Variants in IL13 observed in about 807,000 individuals in gnomAD.
The protein encoded by IL13 is interleukin-13.
A neutral mutation model predicts 11.1 loss-of-function variants in IL13; 9 were observed. That is an observed-to-expected ratio of 0.81 (90% confidence interval 0.49 to 1.42). The LOEUF is 1.42. IL13 is among the 40% of genes most tolerant of loss of function. The pLI, the probability that IL13 is intolerant of heterozygous loss-of-function variation, is 0.00. For missense variants in IL13, 181 were observed against 182.5 expected (o/e 0.99, Z 0.05); for synonymous variants, 75 against 76.9 (o/e 0.97, Z 0.13).
At position 132,659,423 on chromosome 5, in the gene IL13, G is replaced by A. The variant is rs140369292; in HGVS notation, c.180G>A (p.Pro60=). The A allele has an allele frequency of 1.3e-4, 216 of 1,608,882 alleles. 1 individual carries two copies. Among genetic ancestry groups the A allele is most frequent in the Middle Eastern group, 3.3e-4 (2 of 6,076 alleles). Residue 60 remains proline (P), a synonymous_variant, in exon 2 of 4, where the codon CCG becomes CCA. Coordinates refer to ENST00000304506, the MANE Select transcript of IL13 (RefSeq NM_002188.3). This position sits in a 1 kb window ranked among gnomAD's most constrained non-coding sequence, Gnocchi z 4.1. ...CTGTCACTTTGCTCCCACAGGCTCC[G>A]CTCTGCAATGGCAGCATGGTATGGA... ...LVNITQNQKA[P]LCNGSMVWSI...
Position 132,659,461 on chromosome 5 carries a change from C to A in IL13, c.218C>A (p.Thr73Lys). The A allele has an allele frequency of 6.2e-7, 1 of 1,611,834 alleles. No homozygotes were observed. The highest frequency in any genetic ancestry group is 1.7e-5 in the Admixed American group (1 of 59,828). The stretch of plus-strand genomic sequence containing the variant: ...AGCATGGTATGGAGCATCAACCTGA[C>A]AGCTGGCATGGTAAGGACCTTTGGG... ...NGSMVWSINL[T>K]AGMYCAALES... is the part of the protein sequence containing the mutation. The change falls in exon 2 of 4, where the codon ACA becomes AAA. Residue 73 changes from threonine to lysine, a missense_variant. Thr to Lys is a moderately conservative substitution (Grantham distance 78). Coordinates refer to ENST00000304506, the MANE Select transcript of IL13 (RefSeq NM_002188.3). This position sits in a 1 kb window ranked among gnomAD's most constrained non-coding sequence, Gnocchi z 4.1.
At chr5:132,658,001 A>G (rs1198567152), upstream of IL13, among the ~76,000 whole-genome samples, 1 of 152,236 alleles carries the variant, frequency 6.6e-6, no homozygotes, top group African/African-American at 2.4e-5. Flanking sequence ...ACCCTTCTCA[A>G]TAAGTCCATG....
chr5:132,657,932 A>G (rs558720033), upstream of IL13, among the ~76,000 whole-genome samples: 1 of 152,302 alleles, frequency 6.6e-6, no homozygotes, highest in East Asian at 1.9e-4. Context: ...CGCCGCTCTC[A>G]GGGCCCCTTG....
In IL13 at chr5:132,659,330, C is replaced by A. The variant is rs1752101861; in HGVS notation, c.175-88C>A. On this transcript the variant is annotated intron_variant, in intron 1 of 3. Transcript: ENST00000304506. This position sits in a 1 kb window ranked among gnomAD's most constrained non-coding sequence, Gnocchi z 4.1. ...TGCCACACCAGGGATGCTTGTGGGG[C>A]CTGTGCTGGGGCAGACCTGGCCTGG... is the stretch of plus-strand genomic sequence containing the variant. 1.1e-6 allele frequency: 1 copy of A among 889,784 alleles called. No individual in the cohort carries two copies. The highest frequency in any genetic ancestry group is 1.8e-6 in the Non-Finnish European group (1 of 542,684). The allele number at this position is 889,784 out of a possible 1,614,324, so 55.1% of individuals were successfully genotyped here.
chr5:132,660,314 G>C lies in IL13; in HGVS notation c.*32G>C. The C allele has an allele frequency of 6.2e-7, 1 of 1,604,424 alleles. No homozygotes were observed. Among genetic ancestry groups the C allele is most frequent in the Non-Finnish European group, 8.5e-7 (1 of 1,177,358 alleles). ...GAAAGCATCATTATTTGCAGAGACAGGACCTGACTATTGAAGTTGCAGATT... is the reference window on the plus strand; with the variant it reads ...GAAAGCATCATTATTTGCAGAGACACGACCTGACTATTGAAGTTGCAGATT... On this transcript the variant is annotated 3_prime_UTR_variant, in exon 4 of 4. Transcript: ENST00000304506.
upstream of IL13, among the ~76,000 whole-genome samples, chr5:132,657,962 C>A (rs1280056764): frequency 6.6e-6 from 1 of 152,186 alleles, no homozygotes; most frequent in African/African-American, 2.4e-5. Flanking sequence ...GGAATTAAAC[C>A]CACCCAGATC....
rs146770163 is a variant in IL13 at position 132,659,422 on chromosome 5, C to T, written c.179C>T (p.Pro60Leu). 4.7e-5 allele frequency: 75 copies of T among 1,608,570 alleles called. No homozygotes were observed. In the East Asian group the frequency reaches 1.2e-3, roughly 27 times the overall value. Residue 60 changes from proline (P) to leucine (L), a missense_variant, in exon 2 of 4, where the codon CCG (proline) becomes CTG (leucine). Pro to Leu is a moderately conservative substitution (Grantham distance 98). Coordinates refer to ENST00000304506, the MANE Select transcript of IL13 (RefSeq NM_002188.3). The surrounding 1 kb of genome is among the most constrained non-coding windows in gnomAD (Gnocchi z 4.1). ...LVNITQNQKA[P>L]LCNGSMVWSI... ...ACTGTCACTTTGCTCCCACAGGCTC[C>T]GCTCTGCAATGGCAGCATGGTATGG... is the stretch of plus-strand genomic sequence containing the variant.
At chr5:132,657,490 C>CA (rs903232774), upstream of IL13, among the ~76,000 whole-genome samples, 4 of 151,488 alleles carry the variant, frequency 2.6e-5, no homozygotes, top group African/African-American at 4.9e-5. Context: ...ACCCCATCTC[C>CA]AAAAAAACAA....
rs56035208 is a variant in IL13 at position 132,658,321 on chromosome 5, G to C, written c.135G>C (p.Glu45Asp). 7.4e-6 allele frequency: 12 copies of C among 1,612,178 alleles called. 1 individual carries two copies. The highest frequency in any genetic ancestry group is 6.8e-6 in the Non-Finnish European group (8 of 1,178,404). The change falls in exon 1 of 4, where the codon GAG becomes GAC. Residue 45 changes from glutamate to aspartate, a missense_variant. Coordinates refer to ENST00000304506, the MANE Select transcript of IL13 (RefSeq NM_002188.3). ...TGCCTCCCTCTACAGCCCTCAGGGA[G>C]CTCATTGAGGAGCTGGTCAACATCA... is the stretch of plus-strand genomic sequence containing the variant. The part of the protein sequence containing the change: ...GPVPPSTALR[E>D]LIEELVNITQ...
At chr5:132,658,140 C>T (rs1022009733), upstream of IL13, 2 of 1,167,244 alleles carry the variant, frequency 1.7e-6, no homozygotes, top group East Asian at 4.8e-5. Flanking sequence ...ACCACTTGGG[C>T]CTATAAAAGC....
At position 132,659,692 on chromosome 5, in the gene IL13, G is replaced by A. The variant is rs776876174; in HGVS notation, c.229-32G>A. ...CTCACAAAAGGCAGCTGCCCAAGCA[G>A]GGCCTGACCCCTCGGTGTCCCCTCC... On this transcript the variant is annotated intron_variant, in intron 2 of 3. Transcript: ENST00000304506. This position sits in a 1 kb window ranked among gnomAD's most constrained non-coding sequence, Gnocchi z 4.1. 1.2e-6 allele frequency: 2 copies of A among 1,610,078 alleles called. No individual in the cohort carries two copies. The highest frequency in any genetic ancestry group is 1.3e-5 in the African/African-American group (1 of 74,860).
Position 132,660,210 on chromosome 5 carries a change from C to G in IL13, c.369C>G (p.Ile123Met), listed in dbSNP as rs78628956. The G allele has an allele frequency of 6.2e-7, 1 of 1,614,046 alleles. No individual in the cohort carries two copies. Among genetic ancestry groups the G allele is most frequent in the African/African-American group, 1.3e-5 (1 of 74,918 alleles). Reference sequence around the variant, plus strand: ...GCTTGCATGTCCGAGACACCAAAATCGAGGTGGCCCAGTTTGTAAAGGACC... The same window carrying G: ...GCTTGCATGTCCGAGACACCAAAATGGAGGTGGCCCAGTTTGTAAAGGACC... The part of the protein sequence containing the change: ...FSSLHVRDTK[I>M]EVAQFVKDLL... Residue 123 changes from isoleucine (I) to methionine (M), a missense_variant, in exon 4 of 4, where the codon ATC becomes ATG. Transcript: ENST00000304506.
intron 1 of IL13, 21 bp downstream of exon 1, chr5:132,658,381 G>A: frequency 1.3e-6 from 2 of 1,541,538 alleles, no homozygotes; most frequent in African/African-American, 1.4e-5. Context: ...GCTAGCCAGG[G>A]TCCTAGCTAT....
chr5:132,661,068 T>G lies in IL13; in HGVS notation c.*786T>G, dbSNP rs1333602059. On this transcript the variant is annotated 3_prime_UTR_variant, in exon 4 of 4. Transcript: ENST00000304506. ...AGGGGACATTGAACAAGTTGTTTCA[T>G]TGACTATCAAACTGAAGCCAGAAAT... 6.6e-6 allele frequency: 1 copy of G among 152,414 alleles called. No homozygotes were observed. Among genetic ancestry groups the G allele is most frequent in the African/African-American group, 2.4e-5 (1 of 41,454 alleles). 9.4% of individuals were successfully genotyped at this position (152,414 alleles called of 1,614,324 possible).
rs1304202143 is a variant in IL13, at chr5:132,659,797, G to A, written c.302G>A (p.Ser101Asn). The A allele has an allele frequency of 1.2e-6, 2 of 1,613,864 alleles. No homozygotes were observed. Among genetic ancestry groups the A allele is most frequent in the African/African-American group, 2.7e-5 (2 of 75,006 alleles). ...ATCGAGAAGACCCAGAGGATGCTGA[G>A]CGGATTCTGCCCGCACAAGGTCTCA... Reference protein sequence around the residue: ...SAIEKTQRMLSGFCPHKVSAG... With the variant: ...SAIEKTQRMLNGFCPHKVSAG... Residue 101 changes from serine (S) to asparagine (N), a missense_variant, in exon 3 of 4, where the codon AGC becomes AAC. Ser to Asn is a conservative substitution (Grantham distance 46). Transcript: ENST00000304506. This position sits in a 1 kb window ranked among gnomAD's most constrained non-coding sequence, Gnocchi z 4.1.
intron 3 of IL13, 34 bp from the exon 4 acceptor site, chr5:132,660,141 G>A (rs202047364): frequency 2.9e-5 from 47 of 1,602,988 alleles, no homozygotes; most frequent in African/African-American, 4.0e-5. Flanking sequence ...GGCCTCTGGC[G>A]TTCTACTCAT....
Position 132,659,701 on chromosome 5 carries a change from C to T in IL13, c.229-23C>T, listed in dbSNP as rs1281479005. The T allele has an allele frequency of 3.7e-6, 6 of 1,611,758 alleles. No homozygotes were observed. Among genetic ancestry groups the T allele is most frequent in the Non-Finnish European group, 5.1e-6 (6 of 1,178,512 alleles). ...GGCAGCTGCCCAAGCAGGGCCTGAC[C>T]CCTCGGTGTCCCCTCCCCACAGTAC... On this transcript the variant is annotated intron_variant, in intron 2 of 3. Transcript: ENST00000304506. This position sits in a 1 kb window ranked among gnomAD's most constrained non-coding sequence, Gnocchi z 4.1.
At position 132,659,636 on chromosome 5, in the gene IL13, G is replaced by A. The variant is rs780429020; in HGVS notation, c.229-88G>A. 2.0e-4 allele frequency: 312 copies of A among 1,598,112 alleles called. 1 individual carries two copies. The highest frequency in any genetic ancestry group is 2.4e-4 in the Non-Finnish European group (275 of 1,169,626). The stretch of plus-strand genomic sequence containing the variant: ...CCGCCCACCACCCAGACTCACCTGC[G>A]CCAGGCATCTCAGCCCCATCTTCCT... On this transcript the variant is annotated intron_variant, in intron 2 of 3. Coordinates refer to ENST00000304506, the MANE Select transcript of IL13 (RefSeq NM_002188.3). This position sits in a 1 kb window ranked among gnomAD's most constrained non-coding sequence, Gnocchi z 4.1.
upstream of IL13, chr5:132,657,301 G>A (rs1437408370): frequency 1.3e-5 from 2 of 152,454 alleles, no homozygotes; most frequent in Non-Finnish European, 2.9e-5. Flanking sequence ...TACAATCTCT[G>A]ACCTGGACTA....
Sources: allele counts gnomAD v4.1 joint callset (sites outside exome capture counted in the v4.1 genomes callset), GRCh38; gene constraint gnomAD v4.1.1; non-coding constraint Gnocchi (gnomAD v3.1); transcripts MANE v1.5; gene names NCBI Gene and HGNC (gene_info 2026-07-23, HGNC 2026-07-21).